The following TENM4 variants were observed in gnomAD, a reference collection of about 807,000 sequenced individuals.
TENM4 encodes the protein teneurin transmembrane protein 4, also known as teneurin-4.
A neutral mutation model predicts 243.3 loss-of-function variants in TENM4; 82 were observed. The ratio of observed to expected loss-of-function variants is 0.34; its 90% confidence interval spans 0.28 to 0.40. The LOEUF (loss-of-function observed/expected upper bound fraction) is 0.40. Among genes scored for constraint, TENM4 ranks in the 10% least tolerant of loss-of-function variants. The pLI is 1.00. For synonymous variants in TENM4, 1,412 were observed against 1,456.3 expected (o/e 0.97, Z 0.69); for missense variants, 3,138 against 3,673.3 (o/e 0.85, Z 3.77).
intron 2 of TENM4, among the ~76,000 whole-genome samples, chr11:79,246,633 G>C (rs896372634): frequency 9.2e-5 from 14 of 152,158 alleles, no homozygotes; most frequent in African/African-American, 3.4e-4. Context: ...TTAAAAAGAT[G>C]ACATTGAGCA....
intron 14 of TENM4, among the ~76,000 whole-genome samples, chr11:78,807,254 AT>A (rs936752500): frequency 2.2e-4 from 34 of 152,194 alleles, no homozygotes; most frequent in African/African-American, 7.2e-4. Context: ...TCTATTTTTG[AT>A]TTTTTGAGGA....
intron 12 of TENM4, among the ~76,000 whole-genome samples, chr11:78,817,864 G>A (rs958889922): frequency 3.9e-5 from 6 of 151,934 alleles, no homozygotes; most frequent in African/African-American, 7.3e-5. Context: ...TGCTCCTACC[G>A]TACGTTCCTG....
At chr11:79,027,497 T>C (rs908318381) in intron 6 of TENM4, among the ~76,000 whole-genome samples, 5 of 152,248 alleles carry the variant, frequency 3.3e-5, no homozygotes, top group Non-Finnish European at 7.3e-5. Context: ...GCCTAGACCC[T>C]AGCAGACCAT....
chr11:79,332,055 T>G (rs758038306), intron 1 of TENM4, among the ~76,000 whole-genome samples: 1 of 152,236 alleles, frequency 6.6e-6, no homozygotes, highest in East Asian at 1.9e-4. Context: ...ATGTACTCAA[T>G]GTCAGGCACA....
chr11:78,903,143 A>C (rs947967073), intron 7 of TENM4, 125 bp downstream of exon 7: 1 of 1,334,870 alleles, frequency 7.5e-7, no homozygotes, highest in Non-Finnish European at 9.7e-7. Context: ...TAAACCGTGC[A>C]CCCAACCCCA....
At chr11:78,913,616 TGTGTGTGTGTGTGA>T (rs1164310152) in intron 6 of TENM4, among the ~76,000 whole-genome samples, 4 of 149,666 alleles carry the variant, frequency 2.7e-5, no homozygotes, top group Non-Finnish European at 4.5e-5. Context: ...TGTGTGTGTG[TGTGTGTGTGTGTGA>T]GTGTCGGGGG....
At chr11:78,791,252 T>C (rs1252897867) in intron 15 of TENM4, among the ~76,000 whole-genome samples, 2 of 152,230 alleles carry the variant, frequency 1.3e-5, no homozygotes, top group African/African-American at 4.8e-5. Context: ...TTTTCTTATT[T>C]TCAAATACCT....
intron 1 of TENM4, among the ~76,000 whole-genome samples, chr11:79,302,013 A>G (rs932620783): frequency 1.3e-5 from 2 of 152,224 alleles, no homozygotes; most frequent in South Asian, 2.1e-4. Flanking sequence ...GGACTAATAC[A>G]ATCAGGACAG....
At chr11:79,318,993 C>T (rs1431456654) in intron 1 of TENM4, among the ~76,000 whole-genome samples, 1 of 152,204 alleles carries the variant, frequency 6.6e-6, no homozygotes, top group Non-Finnish European at 1.5e-5. Context: ...ATTATCACTG[C>T]TGGTGGCACT....
intron 3 of TENM4, among the ~76,000 whole-genome samples, chr11:79,213,719 A>G (rs1221589669): frequency 1.3e-5 from 2 of 152,178 alleles, no homozygotes; most frequent in Admixed American, 6.5e-5. Flanking sequence ...AGGAGACCAC[A>G]CTTCAGATTT....
chr11:79,029,979 A>T (rs531256321), intron 6 of TENM4, among the ~76,000 whole-genome samples: 1 of 152,220 alleles, frequency 6.6e-6, no homozygotes, highest in South Asian at 2.1e-4. Flanking sequence ...AGGGAAAGGG[A>T]GGTTTAGGGC....
intron 19 of TENM4, among the ~76,000 whole-genome samples, chr11:78,745,505 C>T (rs182840109): frequency 1.3e-5 from 2 of 151,924 alleles, no homozygotes; most frequent in African/African-American, 2.4e-5. Flanking sequence ...GGTAGGATTA[C>T]AGGCATGAGC....
At chr11:79,299,089 C>T (rs1019381476) in intron 1 of TENM4, among the ~76,000 whole-genome samples, 1 of 151,592 alleles carries the variant, frequency 6.6e-6, no homozygotes, top group Admixed American at 6.6e-5. Context: ...CACACACATA[C>T]ACACACACAT....
At chr11:79,243,097 A>T (rs670492) in intron 2 of TENM4, among the ~76,000 whole-genome samples, 1 of 151,776 alleles carries the variant, frequency 6.6e-6, no homozygotes, top group Admixed American at 6.6e-5. Context: ...CTGGGGCTCC[A>T]CTTTTGTTCC....
At chr11:79,055,589 C>T (rs1237115670) in intron 6 of TENM4, among the ~76,000 whole-genome samples, 1 of 152,198 alleles carries the variant, frequency 6.6e-6, no homozygotes. Context: ...AAATTTATTT[C>T]ATGATTGGTT....
At chr11:78,866,351 A>G (rs1359695166) in intron 9 of TENM4, among the ~76,000 whole-genome samples, 4 of 152,202 alleles carry the variant, frequency 2.6e-5, no homozygotes. Context: ...GGTCATGAGA[A>G]TTAACTAATC....
At chr11:79,376,268 T>A (rs1335321698) in intron 1 of TENM4, among the ~76,000 whole-genome samples, 2 of 152,188 alleles carry the variant, frequency 1.3e-5, no homozygotes, top group Non-Finnish European at 2.9e-5. Context: ...ACAAAGATAG[T>A]AGGTGAACTC....
intron 2 of TENM4, among the ~76,000 whole-genome samples, chr11:79,268,732 A>T (rs538501918): frequency 2.0e-5 from 3 of 152,162 alleles, no homozygotes; most frequent in African/African-American, 4.8e-5. Context: ...TAATGTAAAA[A>T]GTTTCCTTTT....
rs777036989 is a variant in TENM4, at chr11:78,708,348, G to T, written c.4209+13C>A. 1 of 1,613,818 alleles carries T rather than the reference G, an allele frequency of 6.2e-7. No homozygotes were observed. Among genetic ancestry groups the T allele is most frequent in the Non-Finnish European group, 8.5e-7 (1 of 1,179,798 alleles). ...GGGCAGTCCCAGGGCTTTGGTAGAT[G>T]AAGCCATCTTACCTGGGAAATATCC... On this transcript the variant is annotated intron_variant, in intron 27 of 33. Coordinates refer to ENST00000278550, the MANE Select transcript of TENM4 (RefSeq NM_001098816.3).
Sources: gnomAD v4.1 joint callset for allele counts (sites outside exome capture counted in the v4.1 genomes callset) on GRCh38, gnomAD v4.1.1 for gene constraint, MANE v1.5 for transcripts, NCBI Gene and HGNC (gene_info 2026-07-23, HGNC 2026-07-21) for gene names.